The following UBE2O variants were observed in gnomAD, a reference collection of about 807,000 sequenced individuals.
UBE2O encodes (E3-independent) E2 ubiquitin-conjugating enzyme.
In UBE2O, 15 loss-of-function variants were observed where a neutral mutation model predicts 125.8. That is an observed-to-expected ratio of 0.12 (90% CI 0.08 to 0.18). UBE2O has a LOEUF of 0.18. Among genes scored for constraint, UBE2O ranks in the 10% least tolerant of loss-of-function variants. The probability of loss-of-function intolerance (pLI) is 1.00; values close to 1 mark genes in which losing one functional copy is unlikely to be tolerated. For synonymous variants in UBE2O, 708 were observed against 703.2 expected (o/e 1.01, Z -0.11); for missense variants, 1,280 against 1,723.6 (o/e 0.74, Z 4.56).
chr17:76,405,502 G>A lies in UBE2O; in HGVS notation c.477+11C>T, dbSNP rs754741739. 27 of 1,595,008 alleles carry A rather than the reference G, an allele frequency of 1.7e-5. No individual in the cohort carries two copies. In the East Asian group the frequency reaches 3.8e-4, roughly 23 times the overall value. Reference sequence around the variant, plus strand: ...CCAGGCCCGGGGCTGGGGTGGGGACGCAGGACTCACGGTGGATCGCATGTG... The same window carrying A: ...CCAGGCCCGGGGCTGGGGTGGGGACACAGGACTCACGGTGGATCGCATGTG... On this transcript the variant is annotated intron_variant, in intron 2 of 17. Transcript: ENST00000319380. This position sits in a 1 kb window ranked among gnomAD's most constrained non-coding sequence, Gnocchi z 6.1.
At position 76,402,753 on chromosome 17, in the gene UBE2O, A is replaced by C; in HGVS notation, c.589-54T>G. 2.1e-6 allele frequency: 3 copies of C among 1,450,760 alleles called. No homozygotes were observed. The highest frequency in any genetic ancestry group is 2.9e-6 in the Non-Finnish European group (3 of 1,031,162). 89.9% of individuals were successfully genotyped at this position (1,450,760 alleles called of 1,614,324 possible). A position where few individuals can be genotyped will look rare whatever the true frequency, so the allele number is the denominator to read the frequency against. On this transcript the variant is annotated intron_variant, in intron 3 of 17. Coordinates refer to ENST00000319380, the MANE Select transcript of UBE2O (RefSeq NM_022066.4). This position sits in a 1 kb window ranked among gnomAD's most constrained non-coding sequence, Gnocchi z 5.4. ...GACACAGCAGACAACGTTCATGTCC[A>C]GGGCACAGATTCCTCTATGCCCCAC...
chr17:76,393,848 CAGG>C (rs1314397768), intron 15 of UBE2O, among the ~76,000 whole-genome samples: 1 of 152,220 alleles, frequency 6.6e-6, no homozygotes, highest in African/African-American at 2.4e-5. Context: ...AGCTGAGAAG[CAGG>C]GAAGGCAGAG....
chr17:76,396,065 G>T lies in UBE2O; in HGVS notation c.2809+63C>A. ...ACTAACCACCCTGCACCCAGATCTG[G>T]TGACACAAACAGGAGCCCCGAGAAG... On this transcript the variant is annotated intron_variant, in intron 14 of 17. Transcript: ENST00000319380. The surrounding 1 kb of genome is among the most constrained non-coding windows in gnomAD (Gnocchi z 6.7). 1 of 1,568,288 alleles carries T rather than the reference G, an allele frequency of 6.4e-7. No individual in the cohort carries two copies.
chr17:76,406,919 C>T (rs187249951), intron 1 of UBE2O, among the ~76,000 whole-genome samples: 23 of 152,120 alleles, frequency 1.5e-4, no homozygotes, highest in African/African-American at 4.8e-4. Flanking sequence ...AGGCTGGTCT[C>T]GAACTCCTGA....
chr17:76,397,489 T>C (rs184355285), intron 13 of UBE2O, among the ~76,000 whole-genome samples: 60 of 152,320 alleles, frequency 3.9e-4, no homozygotes, highest in African/African-American at 1.1e-3. Context: ...AAAGTCTCCA[T>C]CTCCTTTTAG....
intron 1 of UBE2O, among the ~76,000 whole-genome samples, chr17:76,447,762 C>A (rs957741389): frequency 6.6e-6 from 1 of 152,176 alleles, no homozygotes; most frequent in Non-Finnish European, 1.5e-5. Context: ...CCTGAAACAA[C>A]CACCTTCCCC....
chr17:76,396,808 A>G lies in UBE2O; in HGVS notation c.2129T>C (p.Ile710Thr). The change falls in exon 14 of 18, where the codon ATA (isoleucine) becomes ACA (threonine). Residue 710 changes from isoleucine (I) to threonine (T), a missense_variant. By Grantham distance (89) the Ile-to-Thr change is moderately conservative (BLOSUM62 -1). Transcript: ENST00000319380. This position sits in a 1 kb window ranked among gnomAD's most constrained non-coding sequence, Gnocchi z 6.7. ...TIILPQHLYN[I>T]ESEIEESDYD... The stretch of plus-strand genomic sequence containing the variant: ...GTCTGACTCCTCAATCTCAGACTCT[A>G]TGTTGTACAAGTGCTGGGGGCAGAA... 6.3e-7 allele frequency: 1 copy of G among 1,595,664 alleles called. No individual in the cohort carries two copies. The highest frequency in any genetic ancestry group is 1.1e-5 in the South Asian group (1 of 87,862).
At chr17:76,424,655 GC>G (rs1441269163) in intron 1 of UBE2O, among the ~76,000 whole-genome samples, 1 of 151,930 alleles carries the variant, frequency 6.6e-6, no homozygotes, top group African/African-American at 2.4e-5. Context: ...TGGGAGGATT[GC>G]TTGAGGCCAG....
Position 76,395,648 on chromosome 17 carries a change from G to T in UBE2O, c.2946+77C>A. On this transcript the variant is annotated intron_variant, in intron 15 of 17. Coordinates refer to ENST00000319380, the MANE Select transcript of UBE2O (RefSeq NM_022066.4). The surrounding 1 kb of genome is among the most constrained non-coding windows in gnomAD (Gnocchi z 5.0). ...TGCCAGTCAGCCCCGGAGGTTTGGG[G>T]ACCCAAGGTTGGTGGCCTCTTGGGC... The T allele has an allele frequency of 6.5e-7, 1 of 1,528,780 alleles. No homozygotes were observed. The highest frequency in any genetic ancestry group is 8.8e-7 in the Non-Finnish European group (1 of 1,139,600). 94.7% of individuals were successfully genotyped at this position (1,528,780 alleles called of 1,614,324 possible).
chr17:76,450,827 G>C (rs2073228446), intron 1 of UBE2O, among the ~76,000 whole-genome samples: 1 of 152,106 alleles, frequency 6.6e-6, no homozygotes, highest in South Asian at 2.1e-4. Flanking sequence ...CTCCATGTTG[G>C]TCAGGCTGGT....
At chr17:76,419,531 A>AC (rs1181471142) in intron 1 of UBE2O, among the ~76,000 whole-genome samples, 72 of 151,960 alleles carry the variant, frequency 4.7e-4, no homozygotes, top group Admixed American at 4.7e-3. Context: ...TCCCTGACAC[A>AC]CCCTTCCTGT....
chr17:76,431,492 GGTGCTCT>G (rs2072907137), intron 1 of UBE2O, among the ~76,000 whole-genome samples: 1 of 152,036 alleles, frequency 6.6e-6, no homozygotes, highest in Non-Finnish European at 1.5e-5. Flanking sequence ...TGGGCGACAG[GGTGCTCT>G]GTCTCAAAAA....
chr17:76,391,013 C>T lies in UBE2O; in HGVS notation c.3809G>A (p.Arg1270Gln), dbSNP rs908357978. ...AGCCCGGAACTGCGTCAGGACACCC[C>T]GGATGCTCTTGATGAAACCCTTGGA... is the stretch of plus-strand genomic sequence containing the variant. ...PLSKGFIKSIRGVLTQFRAAL... is the reference protein window; with the variant it reads ...PLSKGFIKSIQGVLTQFRAAL... Residue 1270 changes from arginine to glutamine, a missense_variant, in exon 18 of 18, where the codon CGG becomes CAG. Arg to Gln is a conservative substitution (Grantham distance 43). This residue lies in a region of UBE2O where 233 missense variants were observed against 279.0 expected (regional missense o/e 0.84). Transcript: ENST00000319380. The surrounding 1 kb of genome is among the most constrained non-coding windows in gnomAD (Gnocchi z 8.4). 1.6e-5 allele frequency: 26 copies of T among 1,613,710 alleles called. No individual in the cohort carries two copies. The highest frequency in any genetic ancestry group is 1.3e-4 in the African/African-American group (10 of 74,936).
intron 15 of UBE2O, among the ~76,000 whole-genome samples, chr17:76,394,066 A>G (rs2072161732): frequency 6.6e-6 from 1 of 152,238 alleles, no homozygotes; most frequent in Non-Finnish European, 1.5e-5. Flanking sequence ...AGAAAAAACC[A>G]AAAGCGTTAT....
chr17:76,452,748 T>C lies in UBE2O; in HGVS notation c.394A>G (p.Lys132Glu). The C allele has an allele frequency of 1.3e-6, 2 of 1,506,434 alleles. No individual in the cohort carries two copies. The highest frequency in any genetic ancestry group is 2.5e-5 in the South Asian group (2 of 79,162). 93.3% of individuals were successfully genotyped at this position (1,506,434 alleles called of 1,614,324 possible). A position where few individuals can be genotyped will look rare whatever the true frequency, so the allele number is the denominator to read the frequency against. ...VRVQWYPEGV[K>E]QHVKETKLKL... Reference sequence around the variant, plus strand: ...ACCTTGGTCTCCTTCACATGCTGCTTGACGCCCTCCGGGTACCACTGGACG... The same window carrying C: ...ACCTTGGTCTCCTTCACATGCTGCTCGACGCCCTCCGGGTACCACTGGACG... Residue 132 changes from lysine to glutamate, a missense_variant, in exon 1 of 18, where the codon AAG (lysine) becomes GAG (glutamate). Lys to Glu is a moderately conservative substitution (Grantham distance 56). This residue lies in a region of UBE2O where 188 missense variants were observed against 192.5 expected (regional missense o/e 0.98). Transcript: ENST00000319380. The surrounding 1 kb of genome is among the most constrained non-coding windows in gnomAD (Gnocchi z 4.4).
intron 1 of UBE2O, among the ~76,000 whole-genome samples, chr17:76,406,035 G>A (rs745714423): frequency 2.6e-5 from 4 of 152,198 alleles, no homozygotes; most frequent in South Asian, 2.1e-4. Context: ...ACTGGGCTGC[G>A]GTGGGTCACC....
intron 1 of UBE2O, among the ~76,000 whole-genome samples, chr17:76,418,768 A>C (rs2072658232): frequency 6.6e-6 from 1 of 152,028 alleles, no homozygotes; most frequent in African/African-American, 2.4e-5. Flanking sequence ...ACAGGGTTTC[A>C]CCGTGTTGGC....
intron 1 of UBE2O, among the ~76,000 whole-genome samples, chr17:76,428,847 A>G (rs2072855754): frequency 1.3e-5 from 2 of 152,066 alleles, no homozygotes; most frequent in Admixed American, 1.3e-4. Context: ...CTGTGATTAT[A>G]TAAGACATGA....
In UBE2O at chr17:76,395,123, G is replaced by GCC. The variant is rs976232576; in HGVS notation, c.2946+600_2946+601dup. Among the ~76,000 whole-genome samples, 1 of 151,944 alleles carries GCC rather than the reference G, an allele frequency of 6.6e-6. No homozygotes were observed. The highest frequency in any genetic ancestry group is 1.5e-5 in the Non-Finnish European group (1 of 68,000). ...ACTTCTGACCTCAGGTGATCCACCT[G>GCC]CCTCGGCTTCCCGAAGTGCTGGGAT... On this transcript the variant is annotated intron_variant, in intron 15 of 17. Transcript: ENST00000319380. The surrounding 1 kb of genome is among the most constrained non-coding windows in gnomAD (Gnocchi z 5.0).
Sources: allele counts gnomAD v4.1 joint callset (sites outside exome capture counted in the v4.1 genomes callset), GRCh38; gene constraint gnomAD v4.1.1; regional missense constraint gnomAD v4.1.1; non-coding constraint Gnocchi (gnomAD v3.1); transcripts MANE v1.5; gene names NCBI Gene and HGNC (gene_info 2026-07-23, HGNC 2026-07-21).